DENND1B: variants seen among roughly 807,000 people sequenced by gnomAD.
The protein encoded by DENND1B is DENN domain-containing protein 1B.
A neutral mutation model predicts 90.1 loss-of-function variants in DENND1B; 59 were observed. That is an observed-to-expected ratio of 0.65 (90% CI 0.53 to 0.81). DENND1B has a LOEUF of 0.81. Among genes scored for constraint, DENND1B ranks in the 40% least tolerant of loss-of-function variants. DENND1B has a pLI of 0.00. For missense variants in DENND1B, 862 were observed against 912.6 expected, an observed-to-expected ratio of 0.94 and a Z score of 0.71; for synonymous variants, 337 against 324.6, an observed-to-expected ratio of 1.04 and a Z score of -0.41.
intron 1 of DENND1B, 40 bp downstream of exon 1, chr1:197,775,099 G>A (rs1331515154): frequency 8.1e-7 from 1 of 1,228,608 alleles, no homozygotes; most frequent in Admixed American, 3.9e-5. Flanking sequence ...GGGCCGCCGA[G>A]GGACGCCCGC....
At chr1:197,714,424 G>GC (rs1347408144) in intron 3 of DENND1B, among the ~76,000 whole-genome samples, 10 of 151,896 alleles carry the variant, frequency 6.6e-5, no homozygotes, top group Admixed American at 6.6e-4. Flanking sequence ...TAAAACTACT[G>GC]CATCATTTTG....
At chr1:197,641,640 T>C (rs1680275619) in intron 10 of DENND1B, among the ~76,000 whole-genome samples, 1 of 152,148 alleles carries the variant, frequency 6.6e-6, no homozygotes, top group Non-Finnish European at 1.5e-5. Context: ...TATGTACAAT[T>C]GTATGTATTT....
chr1:197,775,525 G>A (rs1425298794), upstream of DENND1B: 2 of 171,596 alleles, frequency 1.2e-5, no homozygotes, highest in East Asian at 1.5e-4. Flanking sequence ...GCGGGGACGC[G>A]CCCAGCGGCT....
intron 2 of DENND1B, among the ~76,000 whole-genome samples, chr1:197,721,065 ATTTTTTTTT>A (rs11371047): frequency 2.0e-5 from 2 of 98,946 alleles, no homozygotes; most frequent in Non-Finnish European, 3.8e-5. Context: ...GAGAAACGGC[ATTTTTTTTT>A]TTTTTTTTTT....
At position 197,642,811 on chromosome 1, in the gene DENND1B, G is replaced by C. The variant is rs1369020878; in HGVS notation, c.572C>G (p.Thr191Arg). ...CACATCCACGGCAACAAAATATTCT[G>C]TAAGATTTCTCTGTACAAGTAAAAG... is the stretch of plus-strand genomic sequence containing the variant. ...LPTIPESRNL[T>R]EYFVAVDVNN... is the part of the protein sequence containing the mutation. The change falls in exon 10 of 23, where the codon ACA (threonine) becomes AGA (arginine). Residue 191 changes from threonine (T) to arginine (R), a missense_variant. Thr to Arg is a moderately conservative substitution (Grantham distance 71). Coordinates refer to ENST00000620048, the MANE Select transcript of DENND1B (RefSeq NM_001195215.2). 2 of 1,611,650 alleles carry C rather than the reference G, an allele frequency of 1.2e-6. No homozygotes were observed. Among genetic ancestry groups the C allele is most frequent in the Admixed American group, 1.7e-5 (1 of 59,812 alleles).
At chr1:197,716,865 T>G (rs1660693362) in intron 2 of DENND1B, among the ~76,000 whole-genome samples, 1 of 152,004 alleles carries the variant, frequency 6.6e-6, no homozygotes, top group African/African-American at 2.4e-5. Context: ...CTTATGTTAT[T>G]GAATAGCTTA....
Position 197,540,069 on chromosome 1 carries a change from T to C in DENND1B, c.1410A>G (p.Glu470=). 6.3e-7 allele frequency: 1 copy of C among 1,598,890 alleles called. No individual in the cohort carries two copies. Among genetic ancestry groups the C allele is most frequent in the East Asian group, 2.2e-5 (1 of 44,546 alleles). Residue 470 remains glutamate (E), a splice_region_variant and synonymous_variant, in exon 20 of 23, where the codon GAA becomes GAG. Transcript: ENST00000620048. ...KEVKSKLKHK[E]NEEDYGTCSS... ...AACAGGTCCCATAATCTTCTTCATT[T>C]TCCTACACATGAAAAAATATACAGG...
At chr1:197,622,026 T>C (rs75226846) in intron 10 of DENND1B, among the ~76,000 whole-genome samples, 2,663 of 151,406 alleles carry the variant, frequency 0.018, 76 homozygotes, top group African/African-American at 0.06. Context: ...TAAGTATATA[T>C]GGGAATCATG....
At chr1:197,554,675 T>TA (rs34694103) in intron 15 of DENND1B, among the ~76,000 whole-genome samples, 23,662 of 151,042 alleles carry the variant, frequency 0.16, 2,122 homozygotes, top group Non-Finnish European at 0.2. Context: ...CCATCTCTAC[T>TA]AAAAAATACA....
chr1:197,647,628 T>C (rs1341440548), intron 7 of DENND1B, among the ~76,000 whole-genome samples: 1 of 152,090 alleles, frequency 6.6e-6, no homozygotes, highest in Non-Finnish European at 1.5e-5. Context: ...AAACAAACAT[T>C]AACAGCTGAT....
intron 8 of DENND1B, 37 bp downstream of exon 8, chr1:197,647,018 A>T (rs1680780491): frequency 7.0e-7 from 1 of 1,424,384 alleles, no homozygotes. Flanking sequence ...TTCCTATTTA[A>T]TAGTGATTTT....
chr1:197,716,344 A>G (rs1182787948), intron 2 of DENND1B, among the ~76,000 whole-genome samples: 1 of 151,702 alleles, frequency 6.6e-6, no homozygotes, highest in Non-Finnish European at 1.5e-5. Flanking sequence ...ATAAATAATA[A>G]AAATCAATAA....
intron 10 of DENND1B, among the ~76,000 whole-genome samples, chr1:197,618,495 G>A (rs1249883424): frequency 6.6e-6 from 1 of 151,016 alleles, no homozygotes; most frequent in Admixed American, 6.6e-5. Flanking sequence ...TATTTTAAAG[G>A]TAATTGCCAT....
chr1:197,638,923 TATA>T (rs1680031535), intron 10 of DENND1B, among the ~76,000 whole-genome samples: 1 of 151,444 alleles, frequency 6.6e-6, no homozygotes, highest in Non-Finnish European at 1.5e-5. Flanking sequence ...CATGCAAAAA[TATA>T]ATAATAGGTA....
intron 2 of DENND1B, among the ~76,000 whole-genome samples, chr1:197,761,434 C>A (rs1288313685): frequency 6.6e-6 from 1 of 152,216 alleles, no homozygotes; most frequent in East Asian, 1.9e-4. Context: ...AATTTTAATG[C>A]ATAGACCTTG....
rs1392593868 is a variant in DENND1B, at chr1:197,744,370, C to T, written c.82+28498G>A. On this transcript the variant is annotated intron_variant, in intron 2 of 22. Coordinates refer to ENST00000620048, the MANE Select transcript of DENND1B (RefSeq NM_001195215.2). ...ATATAAAACTTGAAAGTCAAAATTACTCTTGGATCCATGGGCTGCAGAATG... is the reference window on the plus strand; with the variant it reads ...ATATAAAACTTGAAAGTCAAAATTATTCTTGGATCCATGGGCTGCAGAATG... Among the ~76,000 whole-genome samples the T allele has an allele frequency of 2.0e-5, 3 of 152,188 alleles. No homozygotes were observed. In the East Asian group the frequency reaches 5.8e-4, roughly 29 times the overall value.
intron 2 of DENND1B, among the ~76,000 whole-genome samples, chr1:197,736,745 A>T (rs937217442): frequency 7.9e-5 from 12 of 152,210 alleles, no homozygotes; most frequent in African/African-American, 2.7e-4. Flanking sequence ...AAATGCCCAT[A>T]CTGCATTCCT....
chr1:197,552,706 A>G (rs1671341343), intron 16 of DENND1B: 1 of 1,106,788 alleles, frequency 9.0e-7, no homozygotes, highest in Admixed American at 5.3e-5. Flanking sequence ...CTAGCAGAGA[A>G]TACTACTATT....
chr1:197,624,031 A>G (rs1003183641), intron 10 of DENND1B, among the ~76,000 whole-genome samples: 3 of 151,670 alleles, frequency 2.0e-5, no homozygotes, highest in South Asian at 2.1e-4. Flanking sequence ...TACAATCCCA[A>G]TCAAAATCCC....
Sources: gnomAD v4.1 joint callset for allele counts (sites outside exome capture counted in the v4.1 genomes callset) on GRCh38, gnomAD v4.1.1 for gene constraint, MANE v1.5 for transcripts, NCBI Gene and HGNC (gene_info 2026-07-23, HGNC 2026-07-21) for gene names.